Variants in CTNNA1 observed in about 807,000 individuals in gnomAD.
CTNNA1 encodes the protein catenin alpha-1.
CTNNA1 carries 37 observed loss-of-function variants against 98.4 expected under a neutral mutation model. The ratio of observed to expected loss-of-function variants is 0.38; its 90% CI spans 0.29 to 0.49. The LOEUF (loss-of-function observed/expected upper bound fraction) is 0.49, where lower values mean the gene tolerates loss of function less well. Ranked by LOEUF, CTNNA1 falls within the 20% of genes least tolerant of loss-of-function variation. CTNNA1 has a pLI of 0.95. For missense variants in CTNNA1, 761 were observed against 1,147.2 expected, an observed-to-expected ratio of 0.66 and a Z score of 4.86; for synonymous variants, 404 against 413.2, an observed-to-expected ratio of 0.98 and a Z score of 0.27.
At chr5:138,884,712 A>G (rs1753649992) in intron 7 of CTNNA1, among the ~76,000 whole-genome samples, 1 of 152,168 alleles carries the variant, frequency 6.6e-6, no homozygotes, top group South Asian at 2.1e-4. Flanking sequence ...AGGAGAGTAT[A>G]ATGAGGCACA....
chr5:138,930,775 T>TC (rs1765127430), intron 15 of CTNNA1, 55 bp from the exon 16 acceptor site: 3 of 1,526,574 alleles, frequency 2.0e-6, no homozygotes, highest in Non-Finnish European at 2.7e-6. Context: ...CTTTTTCTAC[T>TC]CCAACTGTGA....
At chr5:138,930,233 G>GCCTTCCACCCCTCGCTGTTT (rs1229256512) in intron 14 of CTNNA1, among the ~76,000 whole-genome samples, 1 of 152,120 alleles carries the variant, frequency 6.6e-6, no homozygotes, top group African/African-American at 2.4e-5. Flanking sequence ...TTCCACATTA[G>GCCTTCCACCCCTCGCTGTTT]CCTTCCACCC....
chr5:138,859,933 T>C (rs1764103519), intron 7 of CTNNA1, among the ~76,000 whole-genome samples: 2 of 152,222 alleles, frequency 1.3e-5, no homozygotes, highest in South Asian at 2.1e-4. Context: ...AACAGAAGTC[T>C]AACCTTTCAT....
At chr5:138,782,738 A>G (rs1414623419) in intron 2 of CTNNA1, among the ~76,000 whole-genome samples, 1 of 152,220 alleles carries the variant, frequency 6.6e-6, no homozygotes, top group Non-Finnish European at 1.5e-5. Flanking sequence ...ATTTGTGTGA[A>G]TAAACTGTCA....
intron 5 of CTNNA1, among the ~76,000 whole-genome samples, chr5:138,823,294 C>T (rs1349371102): frequency 1.3e-5 from 2 of 152,120 alleles, no homozygotes; most frequent in African/African-American, 4.8e-5. Flanking sequence ...ACTCAGCCTA[C>T]CAAGTAGATG....
intron 13 of CTNNA1, among the ~76,000 whole-genome samples, chr5:138,926,820 C>T (rs540014591): frequency 3.3e-5 from 5 of 152,260 alleles, no homozygotes; most frequent in African/African-American, 1.2e-4. Context: ...GTGTGGCCTG[C>T]TGGGAAGTCC....
intron 10 of CTNNA1, among the ~76,000 whole-genome samples, chr5:138,914,059 A>T (rs978011189): frequency 1.3e-5 from 2 of 152,222 alleles, no homozygotes; most frequent in Admixed American, 1.3e-4. Flanking sequence ...GTAATCAGAA[A>T]TGAGTATTTA....
intron 10 of CTNNA1, among the ~76,000 whole-genome samples, chr5:138,914,368 C>T (rs1761296716): frequency 6.6e-6 from 1 of 152,122 alleles, no homozygotes; most frequent in Non-Finnish European, 1.5e-5. Context: ...ATGGTGAACA[C>T]ATGTAGTGGA....
chr5:138,825,722 T>C (rs1362530471), intron 6 of CTNNA1, among the ~76,000 whole-genome samples: 1 of 152,118 alleles, frequency 6.6e-6, no homozygotes, highest in East Asian at 1.9e-4. Context: ...CTGATCCTTG[T>C]TGATATGCAT....
intron 7 of CTNNA1, among the ~76,000 whole-genome samples, chr5:138,834,630 A>G (rs916204338): frequency 2.6e-5 from 4 of 152,210 alleles, no homozygotes; most frequent in Non-Finnish European, 5.9e-5. Context: ...TAACATCTTA[A>G]TGGTGGCAGA....
At chr5:138,799,147 G>A (rs1465500654) in intron 3 of CTNNA1, among the ~76,000 whole-genome samples, 2 of 151,748 alleles carry the variant, frequency 1.3e-5, no homozygotes, top group African/African-American at 4.8e-5. Context: ...CTGAGCCATC[G>A]TGCCCAGCCT....
chr5:138,851,948 T>C (rs1472528401), intron 7 of CTNNA1, among the ~76,000 whole-genome samples: 1 of 151,302 alleles, frequency 6.6e-6, no homozygotes, highest in East Asian at 1.9e-4. Context: ...CGCGTGCCTG[T>C]AATCCCAGCT....
intron 1 of CTNNA1, among the ~76,000 whole-genome samples, chr5:138,766,205 T>C (rs1752925769): frequency 6.6e-6 from 1 of 152,104 alleles, no homozygotes; most frequent in Non-Finnish European, 1.5e-5. Context: ...TTGTGTCTCT[T>C]TGTGAGGCAG....
intron 3 of CTNNA1, among the ~76,000 whole-genome samples, chr5:138,806,350 T>C (rs370182646): frequency 6.6e-6 from 1 of 151,858 alleles, no homozygotes; most frequent in African/African-American, 2.4e-5. Context: ...GTCTCGAGGG[T>C]CCTAACTTTT....
rs1257676891 is a variant in CTNNA1, at chr5:138,931,035, T to C, written c.2298+100T>C. On this transcript the variant is annotated intron_variant, in intron 16 of 17. Transcript: ENST00000302763. ...GTAAGTTTCATGGGCCACAGCACTTTTGCCACTCATCTCTAAAAATGGTTC... is the reference window on the plus strand; with the variant it reads ...GTAAGTTTCATGGGCCACAGCACTTCTGCCACTCATCTCTAAAAATGGTTC... 1.2e-5 allele frequency: 9 copies of C among 723,104 alleles called. 1 individual carries two copies. The highest frequency in any genetic ancestry group is 3.5e-5 in the African/African-American group (2 of 56,936). The allele number at this position is 723,104 out of a possible 1,614,324, so 44.8% of individuals were successfully genotyped here.
chr5:138,888,324 A>C (rs1320463250), intron 9 of CTNNA1, among the ~76,000 whole-genome samples: 1 of 152,180 alleles, frequency 6.6e-6, no homozygotes, highest in Non-Finnish European at 1.5e-5. Context: ...ATGTTACTTA[A>C]TTTATTCATT....
intron 7 of CTNNA1, among the ~76,000 whole-genome samples, chr5:138,840,117 G>T (rs1319223125): frequency 2.0e-5 from 3 of 152,150 alleles, no homozygotes; most frequent in Admixed American, 6.5e-5. Context: ...GTGAAGATGG[G>T]GATATAATGG....
intron 1 of CTNNA1, among the ~76,000 whole-genome samples, chr5:138,773,958 A>G (rs1439562863): frequency 1.3e-5 from 2 of 151,976 alleles, no homozygotes; most frequent in Admixed American, 6.6e-5. Flanking sequence ...ATCTCATCTC[A>G]CTGCAATCTC....
At chr5:138,909,975 C>T (rs1760186501) in intron 10 of CTNNA1, among the ~76,000 whole-genome samples, 1 of 152,192 alleles carries the variant, frequency 6.6e-6, no homozygotes, top group Admixed American at 6.5e-5. Flanking sequence ...CTTCACTTTT[C>T]CACTTTGGTA....
Sources: gnomAD v4.1 joint callset for allele counts (sites outside exome capture counted in the v4.1 genomes callset) on GRCh38, gnomAD v4.1.1 for gene constraint, MANE v1.5 for transcripts, NCBI Gene and HGNC (gene_info 2026-07-23, HGNC 2026-07-21) for gene names.